The following TBC1D19 variants were observed in gnomAD, a reference collection of about 807,000 sequenced individuals.
TBC1D19 encodes TBC1 domain family, member 19.
A neutral mutation model predicts 89.0 loss-of-function variants in TBC1D19; 60 were observed. That is an observed-to-expected ratio of 0.67 (90% CI 0.55 to 0.84). The LOEUF (loss-of-function observed/expected upper bound fraction) is 0.84, where lower values mean the gene tolerates loss of function less well. TBC1D19 is among the 40% of genes least tolerant of loss of function. The pLI is 0.00. For missense variants in TBC1D19, 500 were observed against 610.8 expected, an observed-to-expected ratio of 0.82 and a Z score of 1.91; for synonymous variants, 189 against 199.7, an observed-to-expected ratio of 0.95 and a Z score of 0.45.
chr4:26,641,800 G>A (rs143449890), intron 7 of TBC1D19, among the ~76,000 whole-genome samples: 1,528 of 152,266 alleles, frequency 0.01, 17 homozygotes, highest in African/African-American at 0.033. Flanking sequence ...TTCAGTAGCC[G>A]ATTCGATCAA....
intron 4 of TBC1D19, among the ~76,000 whole-genome samples, chr4:26,624,725 A>T (rs1742283534): frequency 1.3e-5 from 2 of 152,168 alleles, no homozygotes; most frequent in South Asian, 2.1e-4. Flanking sequence ...TTTACTGAAT[A>T]CCTACTCAGT....
At chr4:26,757,261 C>T (rs968928337), downstream of TBC1D19, among the ~76,000 whole-genome samples, 23 of 152,120 alleles carry the variant, frequency 1.5e-4, no homozygotes, top group Admixed American at 1.4e-3. Context: ...GTGATCCACC[C>T]GCCTCAGCCT....
chr4:26,752,682 G>T (rs954833131), intron 19 of TBC1D19, among the ~76,000 whole-genome samples: 1 of 152,168 alleles, frequency 6.6e-6, no homozygotes, highest in African/African-American at 2.4e-5. Context: ...CCTTATCAGG[G>T]TCACCTGCCT....
At chr4:26,800,170 A>C in the TBC1D19 span, among the ~76,000 whole-genome samples, 3 of 152,048 alleles carry the variant, frequency 2.0e-5, no homozygotes, top group Non-Finnish European at 4.4e-5. Flanking sequence ...CCCACCCCAC[A>C]ACAGTCCCTG....
At chr4:26,686,535 G>A (rs1369795965) in intron 12 of TBC1D19, among the ~76,000 whole-genome samples, 1 of 151,752 alleles carries the variant, frequency 6.6e-6, no homozygotes, top group Non-Finnish European at 1.5e-5. Flanking sequence ...CACGCTCCTG[G>A]AGAGAAAGAT....
chr4:26,711,554 A>G (rs1054039164), intron 13 of TBC1D19, among the ~76,000 whole-genome samples: 1 of 152,100 alleles, frequency 6.6e-6, no homozygotes, highest in Non-Finnish European at 1.5e-5. Flanking sequence ...GACAAACTAA[A>G]TCTTTTGTGG....
intron 13 of TBC1D19, among the ~76,000 whole-genome samples, chr4:26,688,807 G>C (rs1172661902): frequency 6.6e-6 from 1 of 152,016 alleles, no homozygotes; most frequent in Non-Finnish European, 1.5e-5. Flanking sequence ...TTGGAGTGTC[G>C]TGATTATCCT....
At chr4:26,681,992 T>C (rs555862592) in intron 11 of TBC1D19, among the ~76,000 whole-genome samples, 1 of 152,262 alleles carries the variant, frequency 6.6e-6, no homozygotes, top group South Asian at 2.1e-4. Context: ...ACAAATAATA[T>C]TAATTATTTT....
At chr4:26,597,229 A>G (rs1047953788) in intron 1 of TBC1D19, among the ~76,000 whole-genome samples, 4 of 152,136 alleles carry the variant, frequency 2.6e-5, no homozygotes, top group Admixed American at 2.0e-4. Flanking sequence ...ATTTTTGCTT[A>G]TGTATTTAAA....
the TBC1D19 span, among the ~76,000 whole-genome samples, chr4:26,800,235 T>C: frequency 2.9e-4 from 44 of 152,292 alleles, 1 homozygote; most frequent in African/African-American, 1.0e-3. Flanking sequence ...AATTCCCACC[T>C]ATGAGTGAGA....
chr4:26,717,620 A>G (rs916175206), intron 13 of TBC1D19, among the ~76,000 whole-genome samples: 1 of 151,994 alleles, frequency 6.6e-6, no homozygotes, highest in African/African-American at 2.4e-5. Context: ...GGTCTTCTCC[A>G]TACATTTTTC....
chr4:26,609,557 G>T (rs1741232790), intron 1 of TBC1D19, among the ~76,000 whole-genome samples: 1 of 152,082 alleles, frequency 6.6e-6, no homozygotes, highest in Non-Finnish European at 1.5e-5. Context: ...GGAAATCAGT[G>T]AATATAGTTC....
At chr4:26,592,105 C>G (rs1235682165) in intron 1 of TBC1D19, among the ~76,000 whole-genome samples, 1 of 152,154 alleles carries the variant, frequency 6.6e-6, no homozygotes, top group African/African-American at 2.4e-5. Context: ...TACTGGCAAA[C>G]CGAATCCAGC....
the TBC1D19 span, among the ~76,000 whole-genome samples, chr4:26,787,848 CT>C: frequency 6.6e-6 from 1 of 152,098 alleles, no homozygotes; most frequent in East Asian, 1.9e-4. Flanking sequence ...TTCCCCTTAC[CT>C]TTTACAAGAA....
chr4:26,772,811 G>A, the TBC1D19 span, among the ~76,000 whole-genome samples: 2 of 151,972 alleles, frequency 1.3e-5, no homozygotes, highest in Admixed American at 6.6e-5. Flanking sequence ...CCTTTTTATG[G>A]CTGCATACTT....
intron 5 of TBC1D19, among the ~76,000 whole-genome samples, chr4:26,637,627 C>T (rs1044407263): frequency 6.6e-6 from 1 of 152,130 alleles, no homozygotes; most frequent in African/African-American, 2.4e-5. Flanking sequence ...CCACCTTGGC[C>T]TCCCAAAGTG....
intron 19 of TBC1D19, among the ~76,000 whole-genome samples, chr4:26,751,255 G>C (rs1718939567): frequency 6.6e-6 from 1 of 152,134 alleles, no homozygotes; most frequent in African/African-American, 2.4e-5. Flanking sequence ...TTAGTGAACT[G>C]CTCTTTTTTT....
chr4:26,627,710 G>A (rs1233710996), intron 4 of TBC1D19, among the ~76,000 whole-genome samples: 6 of 152,034 alleles, frequency 3.9e-5, no homozygotes, highest in Admixed American at 1.3e-4. Context: ...GTCTGTTCAT[G>A]TCCTTCGCCC....
At chr4:26,683,631 A>G in intron 11 of TBC1D19, 44 bp from the exon 12 acceptor site, 1 of 1,496,620 alleles carries the variant, frequency 6.7e-7, no homozygotes, top group Non-Finnish European at 9.2e-7. Flanking sequence ...TGACTTTATA[A>G]ATGTGATTGA....
Sources: allele counts gnomAD v4.1 joint callset (sites outside exome capture counted in the v4.1 genomes callset), GRCh38; gene constraint gnomAD v4.1.1; transcripts MANE v1.5; gene names NCBI Gene and HGNC (gene_info 2026-07-23, HGNC 2026-07-21).